PLEKHH2: variants seen among roughly 807,000 people sequenced by gnomAD.
The protein encoded by PLEKHH2 is pleckstrin homology domain-containing family H member 2.
A neutral mutation model predicts 187.9 loss-of-function variants in PLEKHH2; 129 were observed. That is an observed-to-expected ratio of 0.69 (90% CI 0.59 to 0.79). The LOEUF (loss-of-function observed/expected upper bound fraction) is 0.79. Ranked by LOEUF, PLEKHH2 falls within the 30% of genes least tolerant of loss-of-function variation. PLEKHH2 has a pLI of 0.00. For missense variants in PLEKHH2, 2,076 were observed against 1,751.2 expected (o/e 1.19, Z -3.31); for synonymous variants, 686 against 605.6 (o/e 1.13, Z -1.95).
chr2:43,641,056 G>T (rs1483956047), intron 1 of PLEKHH2, among the ~76,000 whole-genome samples: 5 of 151,286 alleles, frequency 3.3e-5, no homozygotes, highest in African/African-American at 1.2e-4. Context: ...GCCTCCCAGA[G>T]TGCTGGGATT....
At chr2:43,670,941 T>C (rs1424907949) in intron 2 of PLEKHH2, among the ~76,000 whole-genome samples, 2 of 152,158 alleles carry the variant, frequency 1.3e-5, no homozygotes, top group East Asian at 1.9e-4. Context: ...AATGCTACTG[T>C]TTTTTAAATT....
intron 21 of PLEKHH2, 44 bp from the exon 22 acceptor site, chr2:43,742,696 CA>C: frequency 1.5e-6 from 2 of 1,370,664 alleles, no homozygotes; most frequent in Non-Finnish European, 1.9e-6. Context: ...ATTAGGTTGT[CA>C]ATTAAATTTA....
chr2:43,686,450 G>T (rs1408940956), intron 3 of PLEKHH2, among the ~76,000 whole-genome samples: 1 of 152,174 alleles, frequency 6.6e-6, no homozygotes, highest in Non-Finnish European at 1.5e-5. Context: ...CCCTGCCTTG[G>T]CCTCCCAAAG....
chr2:43,654,384 A>G (rs1666637547), intron 2 of PLEKHH2, among the ~76,000 whole-genome samples: 1 of 151,704 alleles, frequency 6.6e-6, no homozygotes, highest in African/African-American at 2.4e-5. Flanking sequence ...TTTAGTAGAG[A>G]TGAGGTTTCA....
At chr2:43,744,767 C>G (rs1186695974) in intron 23 of PLEKHH2, among the ~76,000 whole-genome samples, 1 of 150,256 alleles carries the variant, frequency 6.7e-6, no homozygotes, top group Non-Finnish European at 1.5e-5. Context: ...ACTCTGGAAG[C>G]TGAGGCACTA....
intron 19 of PLEKHH2, among the ~76,000 whole-genome samples, chr2:43,737,209 A>G (rs1250601792): frequency 6.6e-6 from 1 of 152,202 alleles, no homozygotes; most frequent in Non-Finnish European, 1.5e-5. Flanking sequence ...GAGCAAAGCT[A>G]AAAAATGTTT....
Position 43,694,437 on chromosome 2 carries a change from A to G in PLEKHH2, c.343A>G (p.Ile115Val), listed in dbSNP as rs760983913. Reference sequence around the variant, plus strand: ...ATTGCTATTGTTATTTCAGAAACAAATAAGAATACAAGAAGCTAAAATAAT... The same window carrying G: ...ATTGCTATTGTTATTTCAGAAACAAGTAAGAATACAAGAAGCTAAAATAAT... ...LELQLEEQKQ[I>V]RIQEAKIIEE... Residue 115 changes from isoleucine (I) to valine (V), a missense_variant, in exon 5 of 30, where the codon ATA (isoleucine) becomes GTA (valine). Transcript: ENST00000282406. 2 of 1,557,412 alleles carry G rather than the reference A, an allele frequency of 1.3e-6. No homozygotes were observed. The highest frequency in any genetic ancestry group is 1.2e-5 in the South Asian group (1 of 84,632).
intron 24 of PLEKHH2, among the ~76,000 whole-genome samples, chr2:43,746,948 C>T (rs1054645203): frequency 6.6e-5 from 10 of 150,672 alleles, no homozygotes; most frequent in Non-Finnish European, 8.8e-5. Context: ...CCAGCCTGGA[C>T]GACAAAGCGA....
chr2:43,717,620 G>A (rs528790444), intron 15 of PLEKHH2, among the ~76,000 whole-genome samples: 1 of 152,290 alleles, frequency 6.6e-6, no homozygotes, highest in African/African-American at 2.4e-5. Flanking sequence ...GGACAGCAAA[G>A]GTTACTGGAA....
rs79651096 is a variant in PLEKHH2, at chr2:43,725,551, G to T, written c.2542-721G>T. Among the ~76,000 whole-genome samples the T allele has an allele frequency of 2.4e-4, 37 of 152,262 alleles. No individual in the cohort carries two copies. In the East Asian group the frequency reaches 6.4e-3, roughly 26 times the overall value. ...GGGTTAGAAAAGGAGCTATCTTTGA[G>T]CTGCGTTTTTAAAAAGGAAAGTTTT... On this transcript the variant is annotated intron_variant, in intron 16 of 29. Transcript: ENST00000282406.
chr2:43,740,155 T>C (rs1260438470), intron 20 of PLEKHH2, among the ~76,000 whole-genome samples: 1 of 152,172 alleles, frequency 6.6e-6, no homozygotes, highest in African/African-American at 2.4e-5. Flanking sequence ...GTTTTAAAAA[T>C]GACTGAAAAA....
At chr2:43,657,799 G>A (rs919687) in intron 2 of PLEKHH2, among the ~76,000 whole-genome samples, 56,468 of 152,104 alleles carry the variant, frequency 0.37, 10,826 homozygotes, top group Non-Finnish European at 0.41. Flanking sequence ...TGTATTCCCA[G>A]TATCTGCAGC....
At chr2:43,756,576 T>C (rs1672218421) in intron 25 of PLEKHH2, among the ~76,000 whole-genome samples, 1 of 152,218 alleles carries the variant, frequency 6.6e-6, no homozygotes, top group Admixed American at 6.5e-5. Context: ...CAAGTACTAC[T>C]AGATGGTGAT....
Position 43,717,402 on chromosome 2 carries a change from A to G in PLEKHH2, c.2461-3267A>G, listed in dbSNP as rs866037735. On this transcript the variant is annotated intron_variant, in intron 15 of 29. Coordinates refer to ENST00000282406, the MANE Select transcript of PLEKHH2 (RefSeq NM_172069.4). ...CACTGTGCTTCAGACTGGGCAACTG[A>G]GTGAGACTCCACCTCAAACAAACAA... 3.1e-4 allele frequency among the ~76,000 whole-genome samples: 46 copies of G among 147,864 alleles called. 1 individual carries two copies. Among genetic ancestry groups the G allele is most frequent in the African/African-American group, 1.0e-3 (39 of 38,954 alleles).
Position 43,699,777 on chromosome 2 carries a change from T to C in PLEKHH2, c.819T>C (p.Gly273=). The C allele has an allele frequency of 6.2e-7, 1 of 1,614,116 alleles. No individual in the cohort carries two copies. Among genetic ancestry groups the C allele is most frequent in the Non-Finnish European group, 8.5e-7 (1 of 1,180,016 alleles). ...RKTRTSFATD[G]GISQNSGAPV... is the part of the protein sequence containing the mutation. ...CAAGAACAAGCTTTGCCACAGATGG[T>C]GGCATCTCCCAGAATTCTGGGGCTC... Residue 273 remains glycine (G), a synonymous_variant, in exon 8 of 30, where the codon GGT becomes GGC. Transcript: ENST00000282406.
At chr2:43,658,633 C>A (rs1441203490) in intron 2 of PLEKHH2, 2 of 152,344 alleles carry the variant, frequency 1.3e-5, no homozygotes, top group Non-Finnish European at 2.9e-5. Flanking sequence ...TGGTAGGAAG[C>A]CTCAGTCCCT....
chr2:43,658,324 A>G (rs563869514), intron 2 of PLEKHH2, among the ~76,000 whole-genome samples: 1 of 152,168 alleles, frequency 6.6e-6, no homozygotes, highest in African/African-American at 2.4e-5. Context: ...ACCATTTTTC[A>G]TGTTATGAGC....
intron 3 of PLEKHH2, 145 bp downstream of exon 3, chr2:43,679,070 G>A (rs930311489): frequency 2.0e-6 from 1 of 488,596 alleles, no homozygotes; most frequent in Non-Finnish European, 3.6e-6. Context: ...AGAAAATGGA[G>A]AATCTAACTC....
intron 24 of PLEKHH2, among the ~76,000 whole-genome samples, chr2:43,751,165 T>A (rs1274423513): frequency 6.6e-6 from 1 of 152,196 alleles, no homozygotes; most frequent in Non-Finnish European, 1.5e-5. Flanking sequence ...GCCTGCCACA[T>A]AGTAAATGCT....
Sources: gnomAD v4.1 joint callset for allele counts (sites outside exome capture counted in the v4.1 genomes callset) on GRCh38, gnomAD v4.1.1 for gene constraint, MANE v1.5 for transcripts, NCBI Gene and HGNC (gene_info 2026-07-23, HGNC 2026-07-21) for gene names.